Variants in ACAD9 observed in about 807,000 individuals in gnomAD.
ACAD9 encodes the protein acyl-CoA dehydrogenase family member 9.
ACAD9 carries 53 observed loss-of-function variants against 70.2 expected under a neutral mutation model. That is an observed-to-expected ratio of 0.75 (90% CI 0.61 to 0.95). ACAD9 has a LOEUF of 0.95. Among genes scored for constraint, ACAD9 ranks in the 40% least tolerant of loss-of-function variants. The pLI is 0.00. For missense variants in ACAD9, 777 were observed against 802.8 expected, an observed-to-expected ratio of 0.97 and a Z score of 0.39; for synonymous variants, 313 against 312.1, an observed-to-expected ratio of 1.00 and a Z score of -0.03.
chr3:128,895,052 T>C (rs1935530425), intron 3 of ACAD9, among the ~76,000 whole-genome samples: 1 of 151,884 alleles, frequency 6.6e-6, no homozygotes, highest in Non-Finnish European at 1.5e-5. Flanking sequence ...AATTTTTGTA[T>C]TTTTAGTAGA....
chr3:128,904,320 C>T (rs1935826319), intron 10 of ACAD9, 66 bp from the exon 11 acceptor site: 1 of 1,613,704 alleles, frequency 6.2e-7, no homozygotes, highest in Non-Finnish European at 8.5e-7. Context: ...TACTTTCTCT[C>T]CTGTTTCACA....
At chr3:128,908,893 G>C (rs1005470801) in intron 13 of ACAD9, 80 bp from the exon 14 acceptor site, 13 of 1,610,078 alleles carry the variant, frequency 8.1e-6, no homozygotes, top group East Asian at 4.5e-5. Flanking sequence ...CGGAGCTTCT[G>C]GGTGCCGAAT....
chr3:128,893,341 C>T (rs1250047551), intron 2 of ACAD9, among the ~76,000 whole-genome samples: 1 of 152,044 alleles, frequency 6.6e-6, no homozygotes, highest in Non-Finnish European at 1.5e-5. Context: ...AGAGTGAGAC[C>T]TTGTCTCTAA....
intron 2 of ACAD9, among the ~76,000 whole-genome samples, chr3:128,890,394 A>G (rs1388531141): frequency 2.0e-5 from 3 of 151,978 alleles, no homozygotes; most frequent in Admixed American, 2.0e-4. Flanking sequence ...CCTGGCCTGT[A>G]TTTTATTTTA....
At position 128,912,596 on chromosome 3, in the gene ACAD9, A is replaced by G; in HGVS notation, c.1855A>G (p.Arg619Gly). The G allele has an allele frequency of 6.2e-7, 1 of 1,614,128 alleles. No homozygotes were observed. The highest frequency in any genetic ancestry group is 8.5e-7 in the Non-Finnish European group (1 of 1,179,954). Residue 619 changes from arginine to glycine, a missense_variant, in exon 18 of 18, where the codon AGG becomes GGG. Physicochemically the swap from Arg to Gly is moderately radical, Grantham distance 125. Transcript: ENST00000308982. ...RAYICAHPLD[R>G]TC ...CTATATCTGTGCCCACCCTCTGGAC[A>G]GGACATGCTGAGGCAGGGGACAGTG...
chr3:128,909,552 G>A, intron 15 of ACAD9, 131 bp downstream of exon 15: 1 of 998,540 alleles, frequency 1.0e-6, no homozygotes, highest in Non-Finnish European at 1.5e-6. Flanking sequence ...TGGAGGGATG[G>A]GGTGGTGAGG....
At chr3:128,897,599 T>G in intron 5 of ACAD9, 33 bp from the exon 6 acceptor site, 1 of 1,599,434 alleles carries the variant, frequency 6.3e-7, no homozygotes, top group South Asian at 1.1e-5. Flanking sequence ...ATTCCCAGTA[T>G]TCTCCCTTGA....
intron 2 of ACAD9, 184 bp from the exon 3 acceptor site, chr3:128,893,371 A>G: frequency 1.9e-6 from 1 of 516,328 alleles, no homozygotes; most frequent in Non-Finnish European, 3.4e-6. Flanking sequence ...TAAAAATAAA[A>G]TTTTTCCTGG....
chr3:128,895,558 C>A, intron 4 of ACAD9, 142 bp downstream of exon 4: 2 of 780,248 alleles, frequency 2.6e-6, no homozygotes, highest in Non-Finnish European at 4.4e-6. Context: ...CTCACTCTGG[C>A]CACACCTCAT....
chr3:128,888,558 G>A (rs963875563), intron 2 of ACAD9, among the ~76,000 whole-genome samples: 2 of 152,058 alleles, frequency 1.3e-5, no homozygotes, highest in African/African-American at 4.8e-5. Context: ...CAGCCTGGGT[G>A]ACAGAGTGAG....
chr3:128,892,000 G>A (rs996514513), intron 2 of ACAD9, among the ~76,000 whole-genome samples: 8 of 152,174 alleles, frequency 5.3e-5, no homozygotes, highest in African/African-American at 1.7e-4. Context: ...GCAACAACAC[G>A]GGTGAATCTG....
intron 1 of ACAD9, among the ~76,000 whole-genome samples, chr3:128,882,023 G>C (rs1314400711): frequency 1.3e-5 from 2 of 152,038 alleles, no homozygotes; most frequent in Non-Finnish European, 2.9e-5. Context: ...GATTCCTTTT[G>C]CTTTTTCAGA....
intron 6 of ACAD9, chr3:128,898,617 C>G (rs1439654537): frequency 3.3e-6 from 1 of 305,728 alleles, no homozygotes; most frequent in South Asian, 2.5e-5. Context: ...CCAGGTTGGT[C>G]TCAAACTCCG....
chr3:128,891,282 G>T (rs1935414088), intron 2 of ACAD9, among the ~76,000 whole-genome samples: 1 of 152,112 alleles, frequency 6.6e-6, no homozygotes, highest in Admixed American at 6.5e-5. Flanking sequence ...CACTTTTCAT[G>T]ATGTGCAGCT....
At chr3:128,880,358 T>C (rs1935052784) in intron 1 of ACAD9, among the ~76,000 whole-genome samples, 1 of 152,206 alleles carries the variant, frequency 6.6e-6, no homozygotes, top group Non-Finnish European at 1.5e-5. Flanking sequence ...AAAACACTCA[T>C]TGTCTTCTTA....
chr3:128,909,183 G>A, intron 14 of ACAD9, 84 bp downstream of exon 14: 2 of 1,602,552 alleles, frequency 1.2e-6, no homozygotes, highest in African/African-American at 2.7e-5. Context: ...CACTGTGGGG[G>A]GTCTGGGCTT....
intron 2 of ACAD9, among the ~76,000 whole-genome samples, chr3:128,889,971 G>A (rs1044309250): frequency 1.3e-5 from 2 of 151,992 alleles, no homozygotes; most frequent in Admixed American, 6.6e-5. Context: ...ACAGGCACAC[G>A]CTACCATGCC....
At chr3:128,903,435 T>C (rs62268195) in intron 9 of ACAD9, among the ~76,000 whole-genome samples, 7,257 of 152,258 alleles carry the variant, frequency 0.048, 356 homozygotes, top group African/African-American at 0.12. Context: ...GCTCCTCTGC[T>C]GGGGCTCTGA....
At chr3:128,886,228 A>G (rs970946771) in intron 2 of ACAD9, among the ~76,000 whole-genome samples, 1 of 150,460 alleles carries the variant, frequency 6.6e-6, no homozygotes, top group African/African-American at 2.4e-5. Flanking sequence ...TCAGCCTCCC[A>G]AGTATCTGGG....
Sources: allele counts gnomAD v4.1 joint callset (sites outside exome capture counted in the v4.1 genomes callset), GRCh38; gene constraint gnomAD v4.1.1; transcripts MANE v1.5; gene names NCBI Gene and HGNC (gene_info 2026-07-23, HGNC 2026-07-21).